WWOX: variants seen among roughly 807,000 people sequenced by gnomAD.
WWOX encodes the protein WW domain-containing oxidoreductase.
In WWOX, 69 loss-of-function variants were observed where a neutral mutation model predicts 46.2. That is an observed-to-expected ratio of 1.49 (90% CI 1.23 to 1.82). The LOEUF is 1.82. WWOX is among the 40% of genes most tolerant of loss of function. The pLI, the probability that WWOX is intolerant of heterozygous loss-of-function variation, is 0.00. For synonymous variants in WWOX, 359 were observed against 202.6 expected (o/e 1.77, Z -6.56); for missense variants, 919 against 542.6 (o/e 1.69, Z -6.89).
chr16:78,968,094 C>T (rs754717884), intron 8 of WWOX, among the ~76,000 whole-genome samples: 1 of 129,282 alleles, frequency 7.7e-6, no homozygotes, highest in Non-Finnish European at 1.6e-5. Context: ...GCATGGTCCG[C>T]ATGGCACAGC....
chr16:78,160,247 A>G (rs2034748802), intron 4 of WWOX, among the ~76,000 whole-genome samples: 1 of 151,680 alleles, frequency 6.6e-6, no homozygotes, highest in East Asian at 1.9e-4. Context: ...AAGTGGCATG[A>G]TCATCCTCCT....
intron 5 of WWOX, among the ~76,000 whole-genome samples, chr16:78,356,553 G>A (rs910984865): frequency 6.6e-6 from 1 of 152,130 alleles, no homozygotes; most frequent in African/African-American, 2.4e-5. Context: ...AGGGCAGTGG[G>A]ACAGAGAGGT....
At chr16:78,573,113 G>A (rs763499332) in intron 8 of WWOX, among the ~76,000 whole-genome samples, 7 of 151,824 alleles carry the variant, frequency 4.6e-5, no homozygotes, top group African/African-American at 1.5e-4. Flanking sequence ...ATGAAACCCC[G>A]TCTGTACCAA....
intron 8 of WWOX, among the ~76,000 whole-genome samples, chr16:78,596,968 C>G (rs1485577310): frequency 2.0e-5 from 3 of 152,134 alleles, no homozygotes; most frequent in Admixed American, 6.5e-5. Flanking sequence ...CATGTTCTAG[C>G]TATGCAGATG....
intron 8 of WWOX, among the ~76,000 whole-genome samples, chr16:78,952,607 C>G (rs929057825): frequency 6.6e-6 from 1 of 152,090 alleles, no homozygotes; most frequent in Admixed American, 6.6e-5. Flanking sequence ...TGGTCTTGAA[C>G]TCTTGGCCTC....
At chr16:79,092,640 A>G (rs2150605865) in intron 8 of WWOX, among the ~76,000 whole-genome samples, 1 of 152,288 alleles carries the variant, frequency 6.6e-6, no homozygotes, top group South Asian at 2.1e-4. Flanking sequence ...TTTTCCAGTA[A>G]AAGTCGTTGG....
chr16:78,946,271 G>T (rs1294878952), intron 8 of WWOX, among the ~76,000 whole-genome samples: 1 of 152,066 alleles, frequency 6.6e-6, no homozygotes, highest in Non-Finnish European at 1.5e-5. Flanking sequence ...GCTCACTGCA[G>T]CCTCCAACTC....
intron 8 of WWOX, among the ~76,000 whole-genome samples, chr16:78,716,353 C>G (rs1459549704): frequency 1.3e-5 from 2 of 152,128 alleles, no homozygotes; most frequent in Non-Finnish European, 2.9e-5. Flanking sequence ...TTTCAGACTT[C>G]TGGGTTCCGC....
At chr16:79,040,846 C>G (rs944864158) in intron 8 of WWOX, among the ~76,000 whole-genome samples, 2 of 151,864 alleles carry the variant, frequency 1.3e-5, no homozygotes, top group African/African-American at 4.8e-5. Context: ...GATTTTTTTC[C>G]GATCACAGAA....
rs796712683 is a variant in WWOX at position 79,167,999 on chromosome 16, A to C, written c.1057-43609A>C. ...AAAGAATATGTGACCTTTTGTGTCTAGCTCCGTTCACTTAGCATGCTGTTT... is the reference window on the plus strand; with the variant it reads ...AAAGAATATGTGACCTTTTGTGTCTCGCTCCGTTCACTTAGCATGCTGTTT... On this transcript the variant is annotated intron_variant, in intron 8 of 8. Coordinates refer to ENST00000566780, the MANE Select transcript of WWOX (RefSeq NM_016373.4). 2.9e-4 allele frequency among the ~76,000 whole-genome samples: 44 copies of C among 152,278 alleles called. 1 individual carries two copies. The highest frequency in any genetic ancestry group is 9.6e-4 in the African/African-American group (40 of 41,568).
intron 8 of WWOX, among the ~76,000 whole-genome samples, chr16:78,718,305 C>G (rs1035856343): frequency 2.6e-5 from 4 of 151,698 alleles, no homozygotes; most frequent in Admixed American, 1.3e-4. Context: ...GGGATTCTCA[C>G]TGGATACCAT....
At chr16:78,540,465 T>G (rs994689662) in intron 8 of WWOX, among the ~76,000 whole-genome samples, 2 of 152,178 alleles carry the variant, frequency 1.3e-5, no homozygotes, top group African/African-American at 4.8e-5. Flanking sequence ...TTACTAGTAC[T>G]CAGGAAATCA....
At chr16:78,792,882 C>G (rs529595084) in intron 8 of WWOX, among the ~76,000 whole-genome samples, 4 of 152,116 alleles carry the variant, frequency 2.6e-5, no homozygotes, top group African/African-American at 7.2e-5. Flanking sequence ...AGAATCCACA[C>G]TAGAAGGACA....
chr16:78,839,075 A>T (rs541970381), intron 8 of WWOX, among the ~76,000 whole-genome samples: 1 of 152,192 alleles, frequency 6.6e-6, no homozygotes, highest in Non-Finnish European at 1.5e-5. Context: ...TCAAGGGTGC[A>T]TGAGATTGCT....
At chr16:78,294,657 A>C (rs916351766) in intron 5 of WWOX, among the ~76,000 whole-genome samples, 1 of 134,254 alleles carries the variant, frequency 7.4e-6, no homozygotes, top group Non-Finnish European at 1.7e-5. Context: ...ATCTATTGCA[A>C]ATCTTATAAT....
intron 8 of WWOX, chr16:79,105,990 A>C (rs538368378): frequency 6.6e-6 from 1 of 152,348 alleles, no homozygotes; most frequent in African/African-American, 2.4e-5. Flanking sequence ...TCTTTCTATG[A>C]CAGTAAATAT....
At chr16:78,768,762 C>G (rs1307554527) in intron 8 of WWOX, among the ~76,000 whole-genome samples, 1 of 152,042 alleles carries the variant, frequency 6.6e-6, no homozygotes, top group Non-Finnish European at 1.5e-5. Flanking sequence ...ATGCTCATTT[C>G]ACAGCTTGCT....
At chr16:79,101,848 T>G (rs112628510) in intron 8 of WWOX, 3 of 151,316 alleles carry the variant, frequency 2.0e-5, no homozygotes, top group African/African-American at 7.3e-5. Context: ...TTTATGGCTG[T>G]GGTTTTCAAG....
chr16:78,613,305 C>T (rs910541640), intron 8 of WWOX, among the ~76,000 whole-genome samples: 4 of 152,102 alleles, frequency 2.6e-5, no homozygotes, highest in African/African-American at 9.7e-5. Flanking sequence ...CGTATGGAAG[C>T]CCCAGTGTGT....
Sources: allele counts gnomAD v4.1 joint callset (sites outside exome capture counted in the v4.1 genomes callset), GRCh38; gene constraint gnomAD v4.1.1; transcripts MANE v1.5; gene names NCBI Gene and HGNC (gene_info 2026-07-23, HGNC 2026-07-21).